BPNT1: variants seen among roughly 807,000 people sequenced by gnomAD.
BPNT1 encodes the protein 3'(2'),5'-bisphosphate nucleotidase 1.
Under a neutral mutation model 36.9 loss-of-function variants are expected in BPNT1, and 28 were observed. The observed-to-expected ratio is 0.76, with a 90% CI of 0.56 to 1.04. The LOEUF is 1.04. Among genes scored for constraint, BPNT1 ranks in the 50% least tolerant of loss-of-function variants. The pLI is 0.00. For missense variants in BPNT1, 313 were observed against 372.9 expected (o/e 0.84, Z 1.32); for synonymous variants, 119 against 130.9 (o/e 0.91, Z 0.62).
At chr1:220,066,013 C>T in intron 6 of BPNT1, 1 of 1,338,310 alleles carries the variant, frequency 7.5e-7, no homozygotes, top group Non-Finnish European at 1.0e-6. Flanking sequence ...TGGGGTACCA[C>T]AAGTTGCCTG....
At position 220,078,531 on chromosome 1, in the gene BPNT1, A is replaced by G. The variant is rs1441505877; in HGVS notation, c.120+1196T>C. On this transcript the variant is annotated intron_variant, in intron 2 of 8. Transcript: ENST00000322067. ...TAATATAATTATATATAATTATATT[A>G]CATTATATATATTATAATTATATAT... 2.2e-5 allele frequency among the ~76,000 whole-genome samples: 3 copies of G among 137,468 alleles called. No homozygotes were observed. In the East Asian group the frequency reaches 6.3e-4, roughly 29 times the overall value. The allele number at this position is 137,468 out of a possible 152,430, so 90.2% of individuals were successfully genotyped here.
Position 220,074,026 on chromosome 1 carries a change from T to A in BPNT1, c.166A>T (p.Met56Leu). ...CGGGCCAATGAAGAACATATGCTCA[T>A]CTGTGCCAATCGGTCAGCTTTGGTC... ...LQTKADRLAQ[M>L]SICSSLARKF... The change falls in exon 3 of 9, where the codon ATG becomes TTG. Residue 56 changes from methionine (M) to leucine (L), a missense_variant. Physicochemically the swap from Met to Leu is conservative, Grantham distance 15. Coordinates refer to ENST00000322067, the MANE Select transcript of BPNT1 (RefSeq NM_006085.6). The A allele has an allele frequency of 6.2e-7, 1 of 1,614,174 alleles. No individual in the cohort carries two copies. Among genetic ancestry groups the A allele is most frequent in the Non-Finnish European group, 8.5e-7 (1 of 1,180,030 alleles).
chr1:220,084,069 A>G (rs1167824572), intron 1 of BPNT1, among the ~76,000 whole-genome samples: 1 of 152,178 alleles, frequency 6.6e-6, no homozygotes, highest in African/African-American at 2.4e-5. Flanking sequence ...GCAGTGGCTC[A>G]CGCATGTAAT....
chr1:220,078,890 C>T (rs1664850605), intron 2 of BPNT1, among the ~76,000 whole-genome samples: 1 of 151,960 alleles, frequency 6.6e-6, no homozygotes, highest in Non-Finnish European at 1.5e-5. Flanking sequence ...CCACCGCACC[C>T]GGTCAGAAGA....
chr1:220,083,067 T>C (rs930516754), intron 1 of BPNT1, among the ~76,000 whole-genome samples: 2 of 151,354 alleles, frequency 1.3e-5, no homozygotes, highest in African/African-American at 4.8e-5. Flanking sequence ...TGAAACCCCG[T>C]GTCTACTAAA....
chr1:220,082,379 C>T (rs2102758630), intron 1 of BPNT1, among the ~76,000 whole-genome samples: 1 of 151,582 alleles, frequency 6.6e-6, no homozygotes, highest in South Asian at 2.1e-4. Flanking sequence ...CGGGGTTTCA[C>T]CATGTTGGCC....
intron 6 of BPNT1, 38 bp from the exon 7 acceptor site, chr1:220,062,992 T>C: frequency 1.3e-6 from 2 of 1,594,878 alleles, no homozygotes; most frequent in Non-Finnish European, 1.7e-6. Flanking sequence ...TTGTGGTTAT[T>C]TGGAGAAGAA....
intron 6 of BPNT1, among the ~76,000 whole-genome samples, chr1:220,066,281 AT>A (rs1448730676): frequency 1.1e-4 from 16 of 152,336 alleles, no homozygotes; most frequent in African/African-American, 3.8e-4. Context: ...TAAAGTTTAC[AT>A]AAAAACCACA....
At chr1:220,085,309 C>A (rs1171533320) in intron 1 of BPNT1, among the ~76,000 whole-genome samples, 1 of 152,158 alleles carries the variant, frequency 6.6e-6, no homozygotes, top group African/African-American at 2.4e-5. Context: ...ATCTTCTGGG[C>A]CTTAAAACAC....
intron 1 of BPNT1, among the ~76,000 whole-genome samples, chr1:220,088,441 C>T (rs1276626974): frequency 6.8e-6 from 1 of 147,694 alleles, no homozygotes; most frequent in South Asian, 2.2e-4. Flanking sequence ...CGAGATCGCG[C>T]CACTGCAGTC....
At position 220,074,021 on chromosome 1, in the gene BPNT1, G is replaced by A. The variant is rs1388190802; in HGVS notation, c.171C>T (p.Ser57=). The change falls in exon 3 of 9, where the codon AGC becomes AGT. Residue 57 remains serine, a synonymous_variant. Transcript: ENST00000322067. ...ATTTCCGGGCCAATGAAGAACATATGCTCATCTGTGCCAATCGGTCAGCTT... is the reference window on the plus strand; with the variant it reads ...ATTTCCGGGCCAATGAAGAACATATACTCATCTGTGCCAATCGGTCAGCTT... ...QTKADRLAQM[S]ICSSLARKFP... 2 of 1,614,136 alleles carry A rather than the reference G, an allele frequency of 1.2e-6. No homozygotes were observed. The highest frequency in any genetic ancestry group is 1.7e-5 in the Admixed American group (1 of 60,012).
At chr1:220,081,800 A>T (rs1272821609) in intron 1 of BPNT1, among the ~76,000 whole-genome samples, 1 of 152,026 alleles carries the variant, frequency 6.6e-6, no homozygotes, top group Non-Finnish European at 1.5e-5. Context: ...CTGAAGGGCC[A>T]TCTAGCTTCC....
chr1:220,073,255 G>A (rs1408522090), intron 3 of BPNT1, among the ~76,000 whole-genome samples: 1 of 151,860 alleles, frequency 6.6e-6, no homozygotes, highest in Non-Finnish European at 1.5e-5. Flanking sequence ...TAGTTCCCTT[G>A]TATTACATGA....
intron 2 of BPNT1, among the ~76,000 whole-genome samples, chr1:220,074,519 C>CA: frequency 6.6e-6 from 1 of 150,780 alleles, no homozygotes. Context: ...TTTTTTGAGA[C>CA]AGAGTCTTGC....
intron 1 of BPNT1, among the ~76,000 whole-genome samples, chr1:220,081,352 G>C (rs987577609): frequency 6.6e-6 from 1 of 152,074 alleles, no homozygotes; most frequent in African/African-American, 2.4e-5. Context: ...AGACCAGCCT[G>C]ACCAACATGG....
intron 4 of BPNT1, among the ~76,000 whole-genome samples, chr1:220,070,928 G>A (rs1248255534): frequency 1.3e-5 from 2 of 150,746 alleles, no homozygotes; most frequent in Admixed American, 6.6e-5. Context: ...ACCTGAGGTC[G>A]AGAGTTCAAG....
In BPNT1 at chr1:220,059,243, C is replaced by CTTTTTTTTTT. The variant is rs11292010; in HGVS notation, c.779-261_779-252dup. ...TTAATTTTATTTAGCATTTTCTTTT[C>CTTTTTTTTTT]TTTTTTTTTTTTTTTTTTTTTTTTG... is the stretch of plus-strand genomic sequence containing the variant. On this transcript the variant is annotated intron_variant, in intron 8 of 8. Coordinates refer to ENST00000322067, the MANE Select transcript of BPNT1 (RefSeq NM_006085.6). Among the ~76,000 whole-genome samples the CTTTTTTTTTT allele has an allele frequency of 6.2e-3, 355 of 57,602 alleles. 1 individual carries two copies. The highest frequency in any genetic ancestry group is 0.019 in the Middle Eastern group (1 of 52). 37.8% of individuals were successfully genotyped at this position (57,602 alleles called of 152,430 possible).
chr1:220,071,925 G>A (rs1416814120), intron 4 of BPNT1, among the ~76,000 whole-genome samples: 1 of 151,958 alleles, frequency 6.6e-6, no homozygotes, highest in African/African-American at 2.4e-5. Flanking sequence ...GACCTCAGGT[G>A]ATCTGCCCGC....
chr1:220,069,710 T>C (rs941622823), intron 4 of BPNT1, among the ~76,000 whole-genome samples: 3 of 151,928 alleles, frequency 2.0e-5, no homozygotes, highest in Admixed American at 2.0e-4. Flanking sequence ...CCGAGGCGGG[T>C]GGATCACCTG....
Sources: allele counts gnomAD v4.1 joint callset (sites outside exome capture counted in the v4.1 genomes callset), GRCh38; gene constraint gnomAD v4.1.1; transcripts MANE v1.5; gene names NCBI Gene and HGNC (gene_info 2026-07-23, HGNC 2026-07-21).